ANXA3: variants seen among roughly 807,000 people sequenced by gnomAD.
The protein encoded by ANXA3 is 35-alpha calcimedin.
Under a neutral mutation model 48.8 loss-of-function variants are expected in ANXA3, and 46 were observed. The ratio of observed to expected loss-of-function variants is 0.94; its 90% CI spans 0.74 to 1.21. The LOEUF is 1.21. ANXA3 is among the 50% of genes most tolerant of loss of function. ANXA3 has a pLI of 0.00. For missense variants in ANXA3, 383 were observed against 378.6 expected, an observed-to-expected ratio of 1.01 and a Z score of -0.10; for synonymous variants, 128 against 134.7, an observed-to-expected ratio of 0.95 and a Z score of 0.35.
intron 2 of ANXA3, among the ~76,000 whole-genome samples, chr4:78,568,344 A>G (rs1560442040): frequency 6.6e-6 from 1 of 152,188 alleles, no homozygotes; most frequent in East Asian, 1.9e-4. Flanking sequence ...TCCTTGTATC[A>G]TAAAGCTTCA....
chr4:78,573,228 G>A lies in ANXA3; in HGVS notation c.64G>A (p.Val22Met), dbSNP rs148328676. Residue 22 changes from valine (V) to methionine (M), a missense_variant, in exon 3 of 13, where the codon GTG (valine) becomes ATG (methionine). By Grantham distance (21) the Val-to-Met change is conservative. Transcript: ENST00000264908. ...AGATTATCCAGACTTTAGCCCATCA[G>A]TGGATGCTGAAGCTATTCAGAAAGC... The part of the protein sequence containing the change: ...VRDYPDFSPS[V>M]DAEAIQKAIR... The A allele has an allele frequency of 3.1e-4, 500 of 1,613,722 alleles. 4 individuals are homozygous for A. The African/African-American group carries it at 6.0e-3, about 19-fold the overall frequency.
At chr4:78,555,731 G>A (rs1202514843) in intron 2 of ANXA3, among the ~76,000 whole-genome samples, 1 of 151,600 alleles carries the variant, frequency 6.6e-6, no homozygotes, top group African/African-American at 2.4e-5. Context: ...TGTACCCATG[G>A]TCCTAGATAC....
chr4:78,555,883 GA>G (rs374153495), intron 2 of ANXA3, among the ~76,000 whole-genome samples: 2 of 149,956 alleles, frequency 1.3e-5, no homozygotes, highest in Middle Eastern at 3.2e-3. Context: ...TCTCAGAATT[GA>G]AAAAAACATA....
chr4:78,600,331 G>T (rs957621724), intron 10 of ANXA3, among the ~76,000 whole-genome samples: 1 of 152,052 alleles, frequency 6.6e-6, no homozygotes, highest in Non-Finnish European at 1.5e-5. Context: ...TTTCAGATAT[G>T]AAGAACAAAT....
chr4:78,589,963 A>G (rs1010971921), intron 6 of ANXA3, among the ~76,000 whole-genome samples: 6 of 152,240 alleles, frequency 3.9e-5, no homozygotes, highest in Non-Finnish European at 5.9e-5. Context: ...CACCTGTACT[A>G]TTAAAATATT....
chr4:78,608,383 A>G (rs1011246449), intron 12 of ANXA3, among the ~76,000 whole-genome samples: 2 of 152,206 alleles, frequency 1.3e-5, no homozygotes, highest in African/African-American at 4.8e-5. Context: ...TGGAGGAAGC[A>G]TAATGAAAAA....
intron 2 of ANXA3, among the ~76,000 whole-genome samples, chr4:78,557,868 G>T (rs1285961324): frequency 6.6e-6 from 1 of 152,102 alleles, no homozygotes; most frequent in Non-Finnish European, 1.5e-5. Context: ...CCATTTCTGG[G>T]TATATATCCA....
chr4:78,578,474 GT>G (rs1358450825), intron 3 of ANXA3, among the ~76,000 whole-genome samples: 5 of 152,214 alleles, frequency 3.3e-5, no homozygotes, highest in Admixed American at 6.5e-5. Context: ...AGAGATTTGG[GT>G]TCAACTTCTT....
chr4:78,595,378 T>C lies in ANXA3; in HGVS notation c.484-3T>C, dbSNP rs777527551. 6.2e-7 allele frequency: 1 copy of C among 1,613,934 alleles called. No homozygotes were observed. The highest frequency in any genetic ancestry group is 1.1e-5 in the South Asian group (1 of 91,072). On this transcript the variant is annotated splice_region_variant and splice_polypyrimidine_tract_variant and intron_variant, in intron 7 of 12. Transcript: ENST00000264908. ...TGGCCCTTGTTTTCGTCCTCCTGTT[T>C]AGGGCAGAAGAGATGAAAGTCTGAA... is the stretch of plus-strand genomic sequence containing the variant.
chr4:78,573,103 G>A, intron 2 of ANXA3, 77 bp from the exon 3 acceptor site: 1 of 1,056,010 alleles, frequency 9.5e-7, no homozygotes, highest in South Asian at 1.3e-5. Context: ...CCTCTCATAT[G>A]CATGAAGGAA....
chr4:78,608,814 C>A (rs1560453665), intron 12 of ANXA3, among the ~76,000 whole-genome samples: 2 of 151,982 alleles, frequency 1.3e-5, no homozygotes, highest in Non-Finnish European at 2.9e-5. Flanking sequence ...TGTCTTTGAG[C>A]CATGTAAGAC....
intron 7 of ANXA3, among the ~76,000 whole-genome samples, chr4:78,594,071 C>G (rs957372142): frequency 5.3e-5 from 8 of 152,156 alleles, no homozygotes; most frequent in African/African-American, 9.6e-5. Context: ...TACCTTCCTC[C>G]CCACCAACTA....
chr4:78,586,944 C>T (rs976005680), intron 6 of ANXA3, among the ~76,000 whole-genome samples: 3 of 152,214 alleles, frequency 2.0e-5, no homozygotes, highest in South Asian at 2.1e-4. Context: ...TCAGGCTACA[C>T]GTGCTTTTAA....
At chr4:78,600,251 A>G (rs990233452) in intron 10 of ANXA3, among the ~76,000 whole-genome samples, 1 of 152,218 alleles carries the variant, frequency 6.6e-6, no homozygotes, top group Non-Finnish European at 1.5e-5. Flanking sequence ...CGGACTCCCA[A>G]GCTTCCCTGC....
chr4:78,567,576 A>G (rs925124817), intron 2 of ANXA3, among the ~76,000 whole-genome samples: 3 of 152,240 alleles, frequency 2.0e-5, no homozygotes, highest in African/African-American at 7.2e-5. Flanking sequence ...AGCATCTTCA[A>G]CAAAGAACAG....
chr4:78,590,061 C>T (rs1011193225), intron 6 of ANXA3, among the ~76,000 whole-genome samples: 2 of 152,110 alleles, frequency 1.3e-5, no homozygotes, highest in African/African-American at 2.4e-5. Context: ...TAATATCCCA[C>T]AAAATATTTG....
At chr4:78,568,919 C>T (rs1160501847) in intron 2 of ANXA3, among the ~76,000 whole-genome samples, 1 of 152,206 alleles carries the variant, frequency 6.6e-6, no homozygotes, top group East Asian at 1.9e-4. Flanking sequence ...TTGGAACAGA[C>T]CACTTACTGG....
chr4:78,575,013 C>T (rs2109933293), intron 3 of ANXA3, among the ~76,000 whole-genome samples: 1 of 152,306 alleles, frequency 6.6e-6, no homozygotes, highest in East Asian at 1.9e-4. Flanking sequence ...CATATTCTCA[C>T]CAACACTTGC....
At chr4:78,567,131 A>G (rs1191122571) in intron 2 of ANXA3, among the ~76,000 whole-genome samples, 1 of 152,252 alleles carries the variant, frequency 6.6e-6, no homozygotes, top group Non-Finnish European at 1.5e-5. Flanking sequence ...GGAGGCTCTT[A>G]GGCGAGGCCC....
Sources: allele counts gnomAD v4.1 joint callset (sites outside exome capture counted in the v4.1 genomes callset), GRCh38; gene constraint gnomAD v4.1.1; transcripts MANE v1.5; gene names NCBI Gene and HGNC (gene_info 2026-07-23, HGNC 2026-07-21).